ASB8: variants seen among roughly 807,000 people sequenced by gnomAD.
ASB8 encodes the protein ankyrin repeat and SOCS box protein 8.
In ASB8, 15 loss-of-function variants were observed where a neutral mutation model predicts 22.9. The ratio of observed to expected loss-of-function variants is 0.66; its 90% confidence interval spans 0.44 to 1.01. The LOEUF (loss-of-function observed/expected upper bound fraction) is 1.01. Ranked by LOEUF, ASB8 falls within the 50% of genes least tolerant of loss-of-function variation. The pLI is 0.00. For missense variants in ASB8, 294 were observed against 356.9 expected (o/e 0.82, Z 1.42); for synonymous variants, 124 against 140.8 (o/e 0.88, Z 0.84).
chr12:48,150,941 GAAGA>G (rs904009330), intron 3 of ASB8: 11 of 561,934 alleles, frequency 2.0e-5, no homozygotes, highest in Admixed American at 6.6e-5. Flanking sequence ...AAGTTAAGGA[GAAGA>G]AAGAAAGGCA....
At chr12:48,155,742 A>AT (rs1555211489) in intron 1 of ASB8, among the ~76,000 whole-genome samples, 18,088 of 114,194 alleles carry the variant, frequency 0.16, 1,622 homozygotes, top group Non-Finnish European at 0.18. Flanking sequence ...AAAAAAAAAA[A>AT]ATATATATAT....
chr12:48,150,690 A>G (rs973031423), intron 3 of ASB8, among the ~76,000 whole-genome samples: 7 of 151,844 alleles, frequency 4.6e-5, no homozygotes, highest in South Asian at 2.1e-4. Flanking sequence ...AATGAAAGAC[A>G]AAAACAAAAA....
At chr12:48,157,361 C>G (rs1951324066) in intron 1 of ASB8, 98 bp downstream of exon 1, 1 of 152,254 alleles carries the variant, frequency 6.6e-6, no homozygotes, top group Admixed American at 6.5e-5. Flanking sequence ...GCCTCGAGAA[C>G]TAGAGCACTT....
At chr12:48,151,736 A>G (rs1565927939) in intron 2 of ASB8, 2 of 851,528 alleles carry the variant, frequency 2.3e-6, no homozygotes, top group East Asian at 1.2e-4. Context: ...CATTCAACAA[A>G]TGACCATCAT....
rs920523619 is a variant in ASB8 at position 48,153,750 on chromosome 12, C to T, written c.-33-221G>A. 4 of 295,908 alleles carry T rather than the reference C, an allele frequency of 1.4e-5. No individual in the cohort carries two copies. In the East Asian group the frequency reaches 2.8e-4, roughly 20 times the overall value. 18.3% of individuals were successfully genotyped at this position (295,908 alleles called of 1,614,324 possible). A position where few individuals can be genotyped will look rare whatever the true frequency, so the allele number is the denominator to read the frequency against. On this transcript the variant is annotated intron_variant, in intron 1 of 3. Transcript: ENST00000317697. ...AACCTAGTCTAGCACGAGATTTCCC[C>T]AAGAGGTACTAAGACCCCCGTGGAG... is the stretch of plus-strand genomic sequence containing the variant.
intron 3 of ASB8, chr12:48,150,302 G>C: frequency 1.5e-6 from 1 of 652,986 alleles, no homozygotes; most frequent in Non-Finnish European, 2.8e-6. Context: ...CTACCACAGA[G>C]TAAGGGGTAA....
At chr12:48,151,740 C>T in intron 2 of ASB8, 1 of 817,002 alleles carries the variant, frequency 1.2e-6, no homozygotes, top group Non-Finnish European at 1.8e-6. Flanking sequence ...CAACAAATGA[C>T]CATCATTAAT....
At chr12:48,153,926 G>T (rs1214935210) in intron 1 of ASB8, 2 of 155,654 alleles carry the variant, frequency 1.3e-5, no homozygotes, top group Non-Finnish European at 2.9e-5. Context: ...TTGCAATATA[G>T]TTATGTACAT....
intron 3 of ASB8, among the ~76,000 whole-genome samples, chr12:48,150,524 G>A (rs1951182819): frequency 6.6e-6 from 1 of 152,158 alleles, no homozygotes; most frequent in Admixed American, 6.5e-5. Flanking sequence ...TCAGACCTTT[G>A]CAAAAATATG....
chr12:48,155,729 CA>C (rs1219893101), intron 1 of ASB8, among the ~76,000 whole-genome samples: 2,001 of 107,754 alleles, frequency 0.019, 79 homozygotes, highest in African/African-American at 0.069. Context: ...GACTCCATCT[CA>C]AAAAAAAAAA....
Position 48,156,455 on chromosome 12 carries a change from G to A in ASB8, c.-34+1004C>T, listed in dbSNP as rs529802021. Among the ~76,000 whole-genome samples, 279 of 152,178 alleles carry A rather than the reference G, an allele frequency of 1.8e-3. 1 individual carries two copies. The highest frequency in any genetic ancestry group is 6.1e-3 in the African/African-American group (255 of 41,534). Reference sequence around the variant, plus strand: ...ATTCCAAGAATGGCAGCAGAAGACAGAGCATCTAAAGCAGGAGGCTTGGAC... The same window carrying A: ...ATTCCAAGAATGGCAGCAGAAGACAAAGCATCTAAAGCAGGAGGCTTGGAC... On this transcript the variant is annotated intron_variant, in intron 1 of 3. Coordinates refer to ENST00000317697, the MANE Select transcript of ASB8 (RefSeq NM_024095.5).
At chr12:48,155,947 T>G (rs1353326437) in intron 1 of ASB8, among the ~76,000 whole-genome samples, 1 of 151,380 alleles carries the variant, frequency 6.6e-6, no homozygotes, top group African/African-American at 2.4e-5. Flanking sequence ...CAGCTAATTT[T>G]TGTATGTTTA....
At position 48,149,660 on chromosome 12, in the gene ASB8, C is replaced by G. The variant is rs773350923; in HGVS notation, c.573G>C (p.Leu191=). 7 of 1,614,162 alleles carry G rather than the reference C, an allele frequency of 4.3e-6. No homozygotes were observed. The South Asian group carries it at 7.7e-5, about 18-fold the overall frequency. The change falls in exon 4 of 4, where the codon CTG becomes CTC. Residue 191 remains leucine, a synonymous_variant. Coordinates refer to ENST00000317697, the MANE Select transcript of ASB8 (RefSeq NM_024095.5). ...NLIGQTPISR[L]VALLVRGLGT... ...CAAGTCCCCTGACTAGCAGAGCCAC[C>G]AGGCGGGAGATGGGTGTCTGGCCTA...
intron 2 of ASB8, 23 bp downstream of exon 2, chr12:48,153,345 C>T (rs11168428): frequency 0.35 from 570,813 of 1,612,040 alleles, 106,676 homozygotes; most frequent in Non-Finnish European, 0.39. Context: ...CAAGGACTCT[C>T]CTGTCAATAC....
intron 3 of ASB8, 36 bp downstream of exon 3, chr12:48,151,165 A>C: frequency 6.7e-7 from 1 of 1,500,126 alleles, no homozygotes; most frequent in Non-Finnish European, 9.3e-7. Context: ...CTCAAGTTTT[A>C]GTGAGTCATT....
chr12:48,155,265 T>C (rs1951281662), intron 1 of ASB8, among the ~76,000 whole-genome samples: 1 of 152,208 alleles, frequency 6.6e-6, no homozygotes, highest in African/African-American at 2.4e-5. Flanking sequence ...ATAAGCTCTT[T>C]GGGAATAACG....
chr12:48,150,211 A>G, intron 3 of ASB8: 1 of 707,058 alleles, frequency 1.4e-6, no homozygotes, highest in Non-Finnish European at 2.6e-6. Flanking sequence ...CAAACAGTCA[A>G]CACTATTATG....
At chr12:48,154,480 C>CAAAAA (rs11384481) in intron 1 of ASB8, among the ~76,000 whole-genome samples, 1 of 73,798 alleles carries the variant, frequency 1.4e-5, no homozygotes, top group African/African-American at 5.3e-5. Flanking sequence ...GACTCTATCT[C>CAAAAA]AAAAAAAAAA....
chr12:48,152,008 T>C (rs10875751), intron 2 of ASB8, among the ~76,000 whole-genome samples: 75,201 of 151,882 alleles, frequency 0.5, 19,747 homozygotes, highest in African/African-American at 0.67. Context: ...AAAAACTAGC[T>C]GGGTGTGGTG....
Sources: allele counts gnomAD v4.1 joint callset (sites outside exome capture counted in the v4.1 genomes callset), GRCh38; gene constraint gnomAD v4.1.1; transcripts MANE v1.5; gene names NCBI Gene and HGNC (gene_info 2026-07-23, HGNC 2026-07-21).